The following PBX4 variants were observed in gnomAD, a reference collection of about 807,000 sequenced individuals.
PBX4 encodes PBX homeobox 4.
PBX4 carries 26 observed loss-of-function variants against 35.1 expected under a neutral mutation model. That is an observed-to-expected ratio of 0.74 (90% CI 0.54 to 1.03). The LOEUF is 1.03. Among genes scored for constraint, PBX4 ranks in the 50% least tolerant of loss-of-function variants. The pLI is 0.00. For synonymous variants in PBX4, 199 were observed against 204.2 expected, an observed-to-expected ratio of 0.97 and a Z score of 0.22; for missense variants, 448 against 504.3, an observed-to-expected ratio of 0.89 and a Z score of 1.07.
chr19:19,587,696 G>A (rs945852626), intron 2 of PBX4, among the ~76,000 whole-genome samples: 2 of 150,476 alleles, frequency 1.3e-5, no homozygotes, highest in African/African-American at 4.9e-5. Flanking sequence ...CAGAGCTGCT[G>A]CAAGAACATG....
intron 1 of PBX4, among the ~76,000 whole-genome samples, chr19:19,605,061 AT>A (rs758729529): frequency 6.6e-6 from 1 of 151,954 alleles, no homozygotes; most frequent in South Asian, 2.1e-4. Flanking sequence ...TTTAAAAAAA[AT>A]ATATTTTAAT....
At chr19:19,572,516 A>G (rs2061390366) in intron 2 of PBX4, among the ~76,000 whole-genome samples, 1 of 151,242 alleles carries the variant, frequency 6.6e-6, no homozygotes, top group South Asian at 2.1e-4. Context: ...TCAAAAACTC[A>G]CTAGTCAAAA....
intron 5 of PBX4, among the ~76,000 whole-genome samples, chr19:19,566,396 A>T (rs2061342109): frequency 6.6e-6 from 1 of 152,216 alleles, no homozygotes; most frequent in African/African-American, 2.4e-5. Context: ...CCCCAGGGCC[A>T]GCGCCTTCCT....
chr19:19,567,362 C>T (rs1053843862), intron 5 of PBX4, among the ~76,000 whole-genome samples: 11 of 152,214 alleles, frequency 7.2e-5, no homozygotes, highest in East Asian at 1.9e-4. Flanking sequence ...TGCGTGACCC[C>T]GAGGGGTTCC....
intron 2 of PBX4, among the ~76,000 whole-genome samples, chr19:19,585,943 C>G (rs565270726): frequency 1.1e-4 from 16 of 152,284 alleles, no homozygotes; most frequent in African/African-American, 3.9e-4. Flanking sequence ...TCACAGAAAG[C>G]CTGTTTGGTG....
chr19:19,563,672 C>T lies in PBX4; in HGVS notation c.926-57G>A. 1 of 1,420,950 alleles carries T rather than the reference C, an allele frequency of 7.0e-7. No homozygotes were observed. Among genetic ancestry groups the T allele is most frequent in the Non-Finnish European group, 9.7e-7 (1 of 1,031,712 alleles). The allele number at this position is 1,420,950 out of a possible 1,614,324, so 88.0% of individuals were successfully genotyped here. A position where few individuals can be genotyped will look rare whatever the true frequency, so the allele number is the denominator to read the frequency against. On this transcript the variant is annotated intron_variant, in intron 6 of 7. Transcript: ENST00000251203. The surrounding 1 kb of genome is among the most constrained non-coding windows in gnomAD (Gnocchi z 5.1). ...TCGTGGCGCCTCCTCAGGTGGAACC[C>T]ACCCAGCCCCTCAGCCGGCAGGAGG...
rs536521958 is a variant in PBX4 at position 19,563,752 on chromosome 19, C to T, written c.926-137G>A. 8.1e-6 allele frequency: 6 copies of T among 742,934 alleles called. No individual in the cohort carries two copies. The highest frequency in any genetic ancestry group is 3.6e-4 in the Middle Eastern group (1 of 2,756). The allele number at this position is 742,934 out of a possible 1,614,324, so 46.0% of individuals were successfully genotyped here. ...CATCCGGCCTCTGCTCCTCAGCCCCCACCCAGGCAGGCCAGCGGGCCCTCC... is the reference window on the plus strand; with the variant it reads ...CATCCGGCCTCTGCTCCTCAGCCCCTACCCAGGCAGGCCAGCGGGCCCTCC... On this transcript the variant is annotated intron_variant, in intron 6 of 7. Transcript: ENST00000251203. This position sits in a 1 kb window ranked among gnomAD's most constrained non-coding sequence, Gnocchi z 5.1.
intron 2 of PBX4, among the ~76,000 whole-genome samples, chr19:19,578,417 C>G (rs1282757359): frequency 6.6e-6 from 1 of 152,088 alleles, no homozygotes; most frequent in Non-Finnish European, 1.5e-5. Context: ...GGTCATTAGA[C>G]ATGCATTACC....
chr19:19,564,868 C>T, intron 6 of PBX4, 65 bp downstream of exon 6: 1 of 1,601,386 alleles, frequency 6.2e-7, no homozygotes. Flanking sequence ...TGTGGCCTCC[C>T]CAGATGCAGC....
chr19:19,563,011 A>G lies in PBX4; in HGVS notation c.1032+498T>C, dbSNP rs954745555. The stretch of plus-strand genomic sequence containing the variant: ...ACCCGGCTCTGCAGTGCCCTGGCAC[A>G]CACCACACACACAGCCTCGTGCCTG... On this transcript the variant is annotated intron_variant, in intron 7 of 7. Coordinates refer to ENST00000251203, the MANE Select transcript of PBX4 (RefSeq NM_025245.3). The surrounding 1 kb of genome is among the most constrained non-coding windows in gnomAD (Gnocchi z 5.1). 5.9e-5 allele frequency among the ~76,000 whole-genome samples: 9 copies of G among 152,168 alleles called. No homozygotes were observed. The highest frequency in any genetic ancestry group is 1.2e-4 in the Non-Finnish European group (8 of 68,002).
At chr19:19,605,191 G>A (rs1599378645) in intron 1 of PBX4, among the ~76,000 whole-genome samples, 1 of 151,118 alleles carries the variant, frequency 6.6e-6, no homozygotes, top group Non-Finnish European at 1.5e-5. Flanking sequence ...GCCAAGGCAG[G>A]TGGATCACGA....
intron 2 of PBX4, among the ~76,000 whole-genome samples, chr19:19,586,738 T>C (rs550891074): frequency 6.9e-4 from 105 of 151,966 alleles, no homozygotes; most frequent in Non-Finnish European, 1.4e-3. Flanking sequence ...AGGATTATCA[T>C]GGCTAACACG....
At chr19:19,604,344 C>T (rs1044704203) in intron 1 of PBX4, among the ~76,000 whole-genome samples, 8 of 151,434 alleles carry the variant, frequency 5.3e-5, no homozygotes, top group Non-Finnish European at 8.8e-5. Flanking sequence ...TGGTGGTGTA[C>T]ACCTGTAATC....
At chr19:19,587,592 TAAAAAAAAA>T (rs34647983) in intron 2 of PBX4, among the ~76,000 whole-genome samples, 2 of 90,684 alleles carry the variant, frequency 2.2e-5, no homozygotes, top group East Asian at 6.6e-4. Context: ...CGTCTCAAAT[TAAAAAAAAA>T]AAAAAAAAAA....
In PBX4 at chr19:19,595,414, T is replaced by C. The variant is rs117863865; in HGVS notation, c.193+3878A>G. Among the ~76,000 whole-genome samples, 9 of 152,240 alleles carry C rather than the reference T, an allele frequency of 5.9e-5. No homozygotes were observed. The East Asian group carries it at 1.7e-3, about 29-fold the overall frequency. On this transcript the variant is annotated intron_variant, in intron 2 of 7. Coordinates refer to ENST00000251203, the MANE Select transcript of PBX4 (RefSeq NM_025245.3). ...CTTGTCCAGCTTACCACACGAATGC[T>C]GAAGCACCATCAGGGAGTGCTGCCA...
At chr19:19,566,923 T>A (rs1040201303) in intron 5 of PBX4, among the ~76,000 whole-genome samples, 2 of 152,202 alleles carry the variant, frequency 1.3e-5, no homozygotes, top group African/African-American at 4.8e-5. Context: ...TTGGCCAGGC[T>A]GGTCTCGAAC....
intron 5 of PBX4, among the ~76,000 whole-genome samples, chr19:19,568,210 C>T (rs1213742518): frequency 1.3e-5 from 2 of 148,974 alleles, no homozygotes; most frequent in African/African-American, 5.0e-5. Context: ...ACCAGTATCC[C>T]TCAGGGAGCT....
chr19:19,612,192 G>T (rs761756736), intron 1 of PBX4, among the ~76,000 whole-genome samples: 1 of 152,088 alleles, frequency 6.6e-6, no homozygotes, highest in Non-Finnish European at 1.5e-5. Context: ...AGGCAGAATT[G>T]CTTGAACCCA....
intron 5 of PBX4, among the ~76,000 whole-genome samples, chr19:19,566,929 C>T (rs1865036): frequency 0.063 from 9,567 of 152,222 alleles, 683 homozygotes; most frequent in African/African-American, 0.17. Context: ...AGGCTGGTCT[C>T]GAACTCCTGA....
Sources: gnomAD v4.1 joint callset for allele counts (sites outside exome capture counted in the v4.1 genomes callset) on GRCh38, gnomAD v4.1.1 for gene constraint, Gnocchi (gnomAD v3.1) non-coding constraint, MANE v1.5 for transcripts, NCBI Gene and HGNC (gene_info 2026-07-23, HGNC 2026-07-21) for gene names.